Variants in NFE2L3 observed in about 807,000 individuals in gnomAD.
NFE2L3 encodes NFE2 like bZIP transcription factor 3, also known as nuclear factor erythroid 2-related factor 3.
In NFE2L3, 18 loss-of-function variants were observed where a neutral mutation model predicts 23.5. The observed-to-expected ratio is 0.77, with a 90% CI of 0.53 to 1.13. NFE2L3 has a LOEUF of 1.13. Among genes scored for constraint, NFE2L3 ranks in the 50% most tolerant of loss-of-function variants. The probability of loss-of-function intolerance (pLI) is 0.00; values close to 1 mark genes in which losing one functional copy is unlikely to be tolerated. For synonymous variants in NFE2L3, 424 were observed against 354.5 expected, an observed-to-expected ratio of 1.20 and a Z score of -2.20; for missense variants, 1,152 against 877.2, an observed-to-expected ratio of 1.31 and a Z score of -3.96.
chr7:26,184,999 A>C lies in NFE2L3; in HGVS notation c.1301A>C (p.Lys434Thr), dbSNP rs745769510. 1.2e-6 allele frequency: 2 copies of C among 1,613,762 alleles called. No homozygotes were observed. Among genetic ancestry groups the C allele is most frequent in the South Asian group, 2.2e-5 (2 of 91,072 alleles). The stretch of plus-strand genomic sequence containing the variant: ...AGTCACAATAATACCTCTGTCATCA[A>C]GTCTAATTCCTCTCACTCTGTGTGT... Reference protein sequence around the residue: ...DSSHNNTSVIKSNSSHSVCDE... With the variant: ...DSSHNNTSVITSNSSHSVCDE... The change falls in exon 4 of 4, where the codon AAG becomes ACG. Residue 434 changes from lysine (K) to threonine (T), a missense_variant. Coordinates refer to ENST00000056233, the MANE Select transcript of NFE2L3 (RefSeq NM_004289.7).
intron 1 of NFE2L3, among the ~76,000 whole-genome samples, chr7:26,171,238 A>G (rs1784324069): frequency 6.6e-6 from 1 of 152,226 alleles, no homozygotes; most frequent in Middle Eastern, 3.2e-3. Context: ...ATTAGAAACA[A>G]CTATGCACCA....
rs907083119 is a variant in NFE2L3 at position 26,186,657 on chromosome 7, G to A, written c.*874G>A. 8 of 152,110 alleles carry A rather than the reference G, an allele frequency of 5.3e-5. No homozygotes were observed. The highest frequency in any genetic ancestry group is 1.9e-4 in the African/African-American group (8 of 41,402). 9.4% of individuals were successfully genotyped at this position (152,110 alleles called of 1,614,324 possible). A position where few individuals can be genotyped will look rare whatever the true frequency, so the allele number is the denominator to read the frequency against. ...CTCTGGCAGTAAAGCCAGCCTGAAGGGATGGCCTCACCATCTTAGAATACT... is the reference window on the plus strand; with the variant it reads ...CTCTGGCAGTAAAGCCAGCCTGAAGAGATGGCCTCACCATCTTAGAATACT... On this transcript the variant is annotated 3_prime_UTR_variant, in exon 4 of 4. Coordinates refer to ENST00000056233, the MANE Select transcript of NFE2L3 (RefSeq NM_004289.7).
rs116034066 is a variant in NFE2L3 at position 26,173,286 on chromosome 7, A to C, written c.571-4657A>C. Among the ~76,000 whole-genome samples the C allele has an allele frequency of 2.4e-3, 371 of 152,288 alleles. 3 individuals are homozygous for C. The highest frequency in any genetic ancestry group is 8.7e-3 in the African/African-American group (362 of 41,562). On this transcript the variant is annotated intron_variant, in intron 1 of 3. Transcript: ENST00000056233. ...CCCACAAAAAAAGCCTTCCCAGACT[A>C]AAGTTTGCTTGATCAATTTCTCTAT...
chr7:26,183,894 A>G, intron 3 of NFE2L3, 110 bp downstream of exon 3: 1 of 718,458 alleles, frequency 1.4e-6, no homozygotes, highest in Non-Finnish European at 2.5e-6. Context: ...AGTAATGCTT[A>G]TTTTTACAGA....
chr7:26,167,651 C>G (rs1784270031), intron 1 of NFE2L3, among the ~76,000 whole-genome samples: 1 of 152,048 alleles, frequency 6.6e-6, no homozygotes, highest in African/African-American at 2.4e-5. Flanking sequence ...CTATAAACCT[C>G]AAGACTACGC....
intron 1 of NFE2L3, among the ~76,000 whole-genome samples, chr7:26,167,455 G>T (rs777702031): frequency 1.3e-4 from 20 of 152,074 alleles, no homozygotes; most frequent in African/African-American, 4.6e-4. Flanking sequence ...CAAGTCAGTA[G>T]GTGTTTAGTT....
At chr7:26,173,222 T>TA (rs1784352051) in intron 1 of NFE2L3, among the ~76,000 whole-genome samples, 1 of 152,186 alleles carries the variant, frequency 6.6e-6, no homozygotes, top group Admixed American at 6.5e-5. Flanking sequence ...ACATCTTACA[T>TA]ACCTTTGTTA....
chr7:26,153,639 C>A (rs1367075449), intron 1 of NFE2L3, among the ~76,000 whole-genome samples: 1 of 152,240 alleles, frequency 6.6e-6, no homozygotes, highest in African/African-American at 2.4e-5. Flanking sequence ...CCATCCCCTG[C>A]ACCTAGCAAT....
rs369949829 is a variant in NFE2L3 at position 26,165,187 on chromosome 7, C to A, written c.570+12119C>A. Among the ~76,000 whole-genome samples, 215 of 152,230 alleles carry A rather than the reference C, an allele frequency of 1.4e-3. 6 individuals are homozygous for A. In the South Asian group the frequency reaches 0.037, roughly 26 times the overall value. On this transcript the variant is annotated intron_variant, in intron 1 of 3. Coordinates refer to ENST00000056233, the MANE Select transcript of NFE2L3 (RefSeq NM_004289.7). Reference sequence around the variant, plus strand: ...GTAGTTTTTTCCAATTCTGTGAAGACAGTCATTGGTAGCTTGATGGGGATG... The same window carrying A: ...GTAGTTTTTTCCAATTCTGTGAAGAAAGTCATTGGTAGCTTGATGGGGATG...
chr7:26,174,793 CAG>C (rs977825409), intron 1 of NFE2L3: 8 of 151,984 alleles, frequency 5.3e-5, no homozygotes, highest in African/African-American at 1.5e-4. Context: ...CTGGAAGAAA[CAG>C]AAAGAGTGAA....
At position 26,171,484 on chromosome 7, in the gene NFE2L3, C is replaced by T. The variant is rs568291093; in HGVS notation, c.571-6459C>T. ...GCTGGAACCCTGCAGGTGGAGGTTGCGGTGAGCTGAGATCGCGCCATTGCA... is the reference window on the plus strand; with the variant it reads ...GCTGGAACCCTGCAGGTGGAGGTTGTGGTGAGCTGAGATCGCGCCATTGCA... On this transcript the variant is annotated intron_variant, in intron 1 of 3. Transcript: ENST00000056233. Among the ~76,000 whole-genome samples the T allele has an allele frequency of 3.3e-4, 50 of 150,650 alleles. No homozygotes were observed. In the East Asian group the frequency reaches 6.9e-3, roughly 21 times the overall value.
In NFE2L3 at chr7:26,187,130, G is replaced by A. The variant is rs1782508073; in HGVS notation, c.*1347G>A. 1 of 152,068 alleles carries A rather than the reference G, an allele frequency of 6.6e-6. No homozygotes were observed. The highest frequency in any genetic ancestry group is 1.5e-5 in the Non-Finnish European group (1 of 68,026). The allele number at this position is 152,068 out of a possible 1,614,324, so 9.4% of individuals were successfully genotyped here. On this transcript the variant is annotated 3_prime_UTR_variant, in exon 4 of 4. Transcript: ENST00000056233. Reference sequence around the variant, plus strand: ...AAAGTTTCCCAAGACCTGTTATTTTGCCAGAAATGCTTCTAGTATGCTTCT... The same window carrying A: ...AAAGTTTCCCAAGACCTGTTATTTTACCAGAAATGCTTCTAGTATGCTTCT...
chr7:26,183,822 A>G, intron 3 of NFE2L3, 38 bp downstream of exon 3: 1 of 1,292,476 alleles, frequency 7.7e-7, no homozygotes, highest in Non-Finnish European at 1.1e-6. Flanking sequence ...GCAGGAACAT[A>G]TCTGCACTGA....
intron 1 of NFE2L3, among the ~76,000 whole-genome samples, chr7:26,165,835 T>G (rs975684886): frequency 6.6e-6 from 1 of 152,108 alleles, no homozygotes; most frequent in African/African-American, 2.4e-5. Context: ...AATACCTAAT[T>G]TATTGAGAGT....
chr7:26,180,614 A>T (rs1784490344), intron 2 of NFE2L3, among the ~76,000 whole-genome samples: 1 of 152,188 alleles, frequency 6.6e-6, no homozygotes. Context: ...TCTTTCACTT[A>T]TTTAACACTG....
At chr7:26,176,228 A>G (rs1311318704) in intron 1 of NFE2L3, among the ~76,000 whole-genome samples, 2 of 152,228 alleles carry the variant, frequency 1.3e-5, no homozygotes, top group African/African-American at 2.4e-5. Context: ...TTCTTAGTAC[A>G]GAACAAAATG....
At chr7:26,160,982 T>A (rs969255531) in intron 1 of NFE2L3, among the ~76,000 whole-genome samples, 2 of 152,224 alleles carry the variant, frequency 1.3e-5, no homozygotes, top group African/African-American at 4.8e-5. Context: ...CCTGGCATAG[T>A]AATAGATCGT....
At chr7:26,182,539 A>ATGGCCAGGCGCAGTGACAC (rs1562678334) in intron 2 of NFE2L3, among the ~76,000 whole-genome samples, 2 of 152,154 alleles carry the variant, frequency 1.3e-5, no homozygotes, top group African/African-American at 4.8e-5. Flanking sequence ...CACAAGAATC[A>ATGGCCAGGCGCAGTGACAC]ATCACTTGAA....
At position 26,187,029 on chromosome 7, in the gene NFE2L3, G is replaced by C. The variant is rs1782504572; in HGVS notation, c.*1246G>C. 6.6e-6 allele frequency: 1 copy of C among 152,188 alleles called. No individual in the cohort carries two copies. Among genetic ancestry groups the C allele is most frequent in the Admixed American group, 6.5e-5 (1 of 15,272 alleles). The allele number at this position is 152,188 out of a possible 1,614,324, so 9.4% of individuals were successfully genotyped here. The stretch of plus-strand genomic sequence containing the variant: ...CTCAGATATTATTTCTGCCATAGGA[G>C]CTACAGTGTAGAGTATCACATAAGT... On this transcript the variant is annotated 3_prime_UTR_variant, in exon 4 of 4. Transcript: ENST00000056233.
Sources: gnomAD v4.1 joint callset for allele counts (sites outside exome capture counted in the v4.1 genomes callset) on GRCh38, gnomAD v4.1.1 for gene constraint, MANE v1.5 for transcripts, NCBI Gene and HGNC (gene_info 2026-07-23, HGNC 2026-07-21) for gene names.